Variants in PRPF18 observed in about 807,000 individuals in gnomAD.
The protein encoded by PRPF18 is pre-mRNA processing factor 18, also known as pre-mRNA-splicing factor 18.
In PRPF18, 38 loss-of-function variants were observed where a neutral mutation model predicts 46.5. The observed-to-expected ratio is 0.82, with a 90% CI of 0.63 to 1.07. The LOEUF (loss-of-function observed/expected upper bound fraction) is 1.07, where lower values mean the gene tolerates loss of function less well. Among genes scored for constraint, PRPF18 ranks in the 50% least tolerant of loss-of-function variants. PRPF18 has a pLI of 0.00. For synonymous variants in PRPF18, 152 were observed against 146.7 expected, an observed-to-expected ratio of 1.04 and a Z score of -0.26; for missense variants, 263 against 410.0, an observed-to-expected ratio of 0.64 and a Z score of 3.10.
intron 9 of PRPF18, among the ~76,000 whole-genome samples, chr10:13,625,643 G>C (rs2080492386): frequency 6.6e-6 from 1 of 152,182 alleles, no homozygotes; most frequent in South Asian, 2.1e-4. Context: ...CAGCGCAAAT[G>C]AATAGGAAGA....
At chr10:13,591,523 G>A in intron 1 of PRPF18, 1 of 723,078 alleles carries the variant, frequency 1.4e-6, no homozygotes, top group Non-Finnish European at 2.6e-6. Context: ...GGTAGTCCTG[G>A]AGCTTAGGAA....
chr10:13,610,758 G>A (rs1451908641), intron 5 of PRPF18, among the ~76,000 whole-genome samples: 1 of 152,104 alleles, frequency 6.6e-6, no homozygotes, highest in African/African-American at 2.4e-5. Flanking sequence ...TGGGATTGTG[G>A]GATTTATATA....
chr10:13,654,891 G>A, the PRPF18 span: 3 of 224,248 alleles, frequency 1.3e-5, no homozygotes, highest in South Asian at 1.3e-4. Context: ...GACCTGAGCA[G>A]GGCTCATACA....
chr10:13,648,280 T>C, the PRPF18 span: 1 of 152,182 alleles, frequency 6.6e-6, no homozygotes, highest in Non-Finnish European at 1.5e-5. Flanking sequence ...TTACTATATG[T>C]AGGTGGTATG....
chr10:13,632,348 C>A (rs962906668), downstream of PRPF18, among the ~76,000 whole-genome samples: 3 of 151,716 alleles, frequency 2.0e-5, no homozygotes, highest in Admixed American at 6.6e-5. Flanking sequence ...CCCCTCCCCC[C>A]CGCAAAAAAA....
the PRPF18 span, chr10:13,638,252 T>G: frequency 6.6e-6 from 1 of 151,808 alleles, no homozygotes; most frequent in African/African-American, 2.4e-5. Context: ...ATCTTGACAA[T>G]GAAGATGTGC....
At chr10:13,607,214 C>G (rs747493844) in intron 4 of PRPF18, among the ~76,000 whole-genome samples, 13 of 151,932 alleles carry the variant, frequency 8.6e-5, no homozygotes, top group Non-Finnish European at 1.3e-4. Flanking sequence ...ACCTCAGCCT[C>G]TCAAGTAGCT....
At chr10:13,646,327 T>C in the PRPF18 span, 2 of 152,644 alleles carry the variant, frequency 1.3e-5, no homozygotes, top group Non-Finnish European at 2.9e-5. Flanking sequence ...TATGTTTTTA[T>C]TTATTTTTAA....
intron 9 of PRPF18, among the ~76,000 whole-genome samples, chr10:13,620,312 G>C (rs1449116947): frequency 6.6e-6 from 1 of 152,184 alleles, no homozygotes; most frequent in Non-Finnish European, 1.5e-5. Flanking sequence ...ACAGTTTGCT[G>C]CCCCGTAGTA....
chr10:13,588,023 CT>C (rs534623295), intron 1 of PRPF18, among the ~76,000 whole-genome samples: 334 of 152,292 alleles, frequency 2.2e-3, no homozygotes, highest in Middle Eastern at 6.8e-3. Flanking sequence ...TAACTGCCCC[CT>C]ATCCCCGCTC....
chr10:13,591,791 G>A (rs2079965584), intron 1 of PRPF18: 16 of 1,439,766 alleles, frequency 1.1e-5, no homozygotes, highest in Admixed American at 1.9e-5. Flanking sequence ...AGGACCAGAG[G>A]TCCAGTCACA....
At chr10:13,654,180 C>T in the PRPF18 span, 1 of 576,576 alleles carries the variant, frequency 1.7e-6, no homozygotes. Flanking sequence ...CCCCACATCC[C>T]AAGGACCACC....
At chr10:13,591,331 T>C (rs2079958326) in intron 1 of PRPF18, 1 of 332,698 alleles carries the variant, frequency 3.0e-6, no homozygotes, top group Admixed American at 4.5e-5. Context: ...TTTTTATATA[T>C]TGATCTGATA....
chr10:13,625,128 G>A (rs2080482196), intron 9 of PRPF18, among the ~76,000 whole-genome samples: 4 of 152,154 alleles, frequency 2.6e-5, no homozygotes, highest in Admixed American at 1.3e-4. Context: ...GAGACCGGGA[G>A]TTCTAGACCA....
At chr10:13,600,117 C>T in intron 2 of PRPF18, 127 bp from the exon 3 acceptor site, 1 of 712,764 alleles carries the variant, frequency 1.4e-6, no homozygotes, top group Non-Finnish European at 2.2e-6. Flanking sequence ...GAGCTCTTTG[C>T]TCAGAGGAAT....
the PRPF18 span, among the ~76,000 whole-genome samples, chr10:13,650,075 C>T: frequency 2.0e-5 from 3 of 152,318 alleles, no homozygotes; most frequent in East Asian, 1.9e-4. Flanking sequence ...GTGTGGCCTG[C>T]AAAGGGTACT....
downstream of PRPF18, chr10:13,632,501 C>T (rs1394679136): frequency 1.3e-5 from 2 of 152,154 alleles, 1 homozygote; most frequent in South Asian, 4.1e-4. Flanking sequence ...TTTCTGTATT[C>T]ACCATCAGGT....
At position 13,611,595 on chromosome 10, in the gene PRPF18, C is replaced by A; in HGVS notation, c.511-20C>A. On this transcript the variant is annotated intron_variant, in intron 5 of 9. Coordinates refer to ENST00000378572, the MANE Select transcript of PRPF18 (RefSeq NM_003675.4). ...GTTGCTCTGTATTAATGAACAGAAG[C>A]ATTGTTTCTTTTTCTTCAGGCGCTT... 1 of 1,605,386 alleles carries A rather than the reference C, an allele frequency of 6.2e-7. No homozygotes were observed. Among genetic ancestry groups the A allele is most frequent in the Non-Finnish European group, 8.5e-7 (1 of 1,172,362 alleles).
At chr10:13,646,082 TG>T in the PRPF18 span, 1 of 152,504 alleles carries the variant, frequency 6.6e-6, no homozygotes, top group Admixed American at 6.5e-5. Flanking sequence ...TGTGTCCAGA[TG>T]GATGGCGACT....
Sources: allele counts gnomAD v4.1 joint callset (sites outside exome capture counted in the v4.1 genomes callset), GRCh38; gene constraint gnomAD v4.1.1; transcripts MANE v1.5; gene names NCBI Gene and HGNC (gene_info 2026-07-23, HGNC 2026-07-21).